Variants in LINC00632 observed in about 807,000 individuals in gnomAD.
LINC00632 encodes the protein long independently transcribed non-coding RNA 632, also known as ALDOA related specific transcript.
At chrX:140,738,805 G>T (rs925311674) in intron 3 of LINC00632, among the ~76,000 whole-genome samples, 5 of 111,943 alleles carry the variant, frequency 4.5e-5, no homozygotes, top group Non-Finnish European at 7.5e-5. Context: ...AAAAAATGTT[G>T]CAACAAGAAA....
At chrX:140,759,352 T>C (rs769628944) in intron 3 of LINC00632, among the ~76,000 whole-genome samples, 9 of 93,043 alleles carry the variant, frequency 9.7e-5, no homozygotes, top group African/African-American at 3.3e-4. Context: ...TTCCTTTCTT[T>C]CTTTCTTTCT....
chrX:140,785,746 T>A (rs772714696), exon 5 of LINC00632, among the ~76,000 whole-genome samples: 125 of 112,174 alleles, frequency 1.1e-3, no homozygotes, highest in African/African-American at 3.9e-3. Flanking sequence ...ACCCTTTGCT[T>A]CAGAATCATA....
chrX:140,769,671 C>T (rs892917285), intron 3 of LINC00632, among the ~76,000 whole-genome samples: 1 of 111,290 alleles, frequency 9.0e-6, no homozygotes, highest in Non-Finnish European at 1.9e-5. Flanking sequence ...TTATGATTTG[C>T]CTCAACAAAT....
intron 2 of LINC00632, among the ~76,000 whole-genome samples, chrX:140,722,811 A>G (rs1183489774): frequency 1.8e-5 from 2 of 111,702 alleles, no homozygotes; most frequent in Non-Finnish European, 3.8e-5. Flanking sequence ...TCACTTTGGG[A>G]GGCTGAGGCG....
chrX:140,762,209 A>AAGAGAGAGAGAGAGAGAG (rs35880613), intron 3 of LINC00632, among the ~76,000 whole-genome samples: 14 of 67,135 alleles, frequency 2.1e-4, no homozygotes, highest in African/African-American at 6.7e-4. Flanking sequence ...GTTTTTCGAA[A>AAGAGAGAGAGAGAGAGAG]AGAGAGAGAG....
exon 5 of LINC00632, chrX:140,783,642 T>G: frequency 8.3e-7 from 1 of 1,211,229 alleles, no homozygotes; most frequent in Non-Finnish European, 1.1e-6. Flanking sequence ...AATCAGTGTC[T>G]TCCAGAAAGA....
chrX:140,769,951 T>C (rs1931762230), intron 3 of LINC00632, among the ~76,000 whole-genome samples: 1 of 111,804 alleles, frequency 8.9e-6, no homozygotes, highest in African/African-American at 3.2e-5. Context: ...CCAGTTACCG[T>C]CAAGGCATTC....
At chrX:140,759,382 A>C (rs1602748844) in intron 3 of LINC00632, among the ~76,000 whole-genome samples, 1 of 84,055 alleles carries the variant, frequency 1.2e-5, no homozygotes, top group Non-Finnish European at 2.3e-5. Flanking sequence ...AAAGAGATGG[A>C]CTCTCACTCT....
At chrX:140,737,874 A>T (rs1479952706) in intron 3 of LINC00632, among the ~76,000 whole-genome samples, 2 of 112,042 alleles carry the variant, frequency 1.8e-5, no homozygotes, top group Admixed American at 9.6e-5. Flanking sequence ...TCATCTGTGG[A>T]TGGACACTTA....
intron 2 of LINC00632, among the ~76,000 whole-genome samples, chrX:140,728,972 G>A (rs992633269): frequency 1.8e-5 from 2 of 110,690 alleles, no homozygotes; most frequent in Middle Eastern, 4.8e-3. Context: ...CAGATTTGCC[G>A]CACAACACTG....
chrX:140,770,885 G>A (rs1353151789), intron 3 of LINC00632, among the ~76,000 whole-genome samples: 2 of 112,046 alleles, frequency 1.8e-5, no homozygotes, highest in East Asian at 5.6e-4. Context: ...CAACAAAATA[G>A]ATAGTAATTA....
chrX:140,746,239 T>A (rs1187644407), intron 3 of LINC00632, among the ~76,000 whole-genome samples: 1 of 112,015 alleles, frequency 8.9e-6, no homozygotes, highest in Non-Finnish European at 1.9e-5. Context: ...TTTAACTACT[T>A]AACTTTTTGT....
chrX:140,756,537 G>A (rs1011156916), intron 3 of LINC00632, among the ~76,000 whole-genome samples: 2 of 111,560 alleles, frequency 1.8e-5, no homozygotes, highest in Non-Finnish European at 1.9e-5. Context: ...GTATCGGGAC[G>A]GAGTGAGAAA....
chrX:140,737,647 G>T lies in LINC00632; in HGVS notation n.191+3683G>T, dbSNP rs1403210360. On this transcript the variant is annotated intron_variant and non_coding_transcript_variant, in intron 3 of 4. Transcript: ENST00000648200. ...GCCTATACAGCCTTCCCAGTCTCTG[G>T]TGTCTATTATTCTACTCTCTACCTC... 3.6e-5 allele frequency among the ~76,000 whole-genome samples: 4 copies of T among 111,378 alleles called. No individual in the cohort carries two copies. The East Asian group carries it at 1.1e-3, about 31-fold the overall frequency.
At chrX:140,757,759 G>T (rs1931519325) in intron 3 of LINC00632, among the ~76,000 whole-genome samples, 1 of 110,906 alleles carries the variant, frequency 9.0e-6, no homozygotes, top group East Asian at 2.8e-4. Context: ...TAGAGACAGG[G>T]TTTCACCATA....
chrX:140,765,810 G>C (rs1931680685), intron 3 of LINC00632, among the ~76,000 whole-genome samples: 1 of 111,816 alleles, frequency 8.9e-6, no homozygotes, highest in East Asian at 2.8e-4. Context: ...GGCGACAAGG[G>C]GGGCAAGTAG....
exon 5 of LINC00632, chrX:140,784,208 T>A: frequency 8.3e-7 from 1 of 1,212,073 alleles, no homozygotes; most frequent in East Asian, 3.0e-5. Flanking sequence ...AATCCACGTC[T>A]TCCAACAAAG....
chrX:140,735,555 GTATTTATT>G (rs574366226), intron 3 of LINC00632, among the ~76,000 whole-genome samples: 10 of 109,496 alleles, frequency 9.1e-5, no homozygotes, highest in East Asian at 2.8e-4. Context: ...TGATAAAATG[GTATTTATT>G]TATTTATTTA....
In LINC00632 at chrX:140,713,176, A is replaced by AT. The variant is rs11332099; in HGVS notation, n.104+1533dup. On this transcript the variant is annotated intron_variant and non_coding_transcript_variant, in intron 2 of 4. Transcript: ENST00000648200. Reference sequence around the variant, plus strand: ...CTGCCATCGTTACTGTATATGGAGCATTTTTTTTTTTTTAAATAAAGCTTG... The same window carrying AT: ...CTGCCATCGTTACTGTATATGGAGCATTTTTTTTTTTTTTAAATAAAGCTTG... 3.5e-3 allele frequency among the ~76,000 whole-genome samples: 356 copies of AT among 102,524 alleles called. 1 individual carries two copies. The highest frequency in any genetic ancestry group is 1.0e-2 in the Middle Eastern group (2 of 201). The allele number at this position is 102,524 out of a possible 115,157, so 89.0% of individuals were successfully genotyped here. A position where few individuals can be genotyped will look rare whatever the true frequency, so the allele number is the denominator to read the frequency against.
Sources: gnomAD v4.1 joint callset for allele counts (sites outside exome capture counted in the v4.1 genomes callset) on GRCh38, gnomAD v4.1.1 for gene constraint, MANE v1.5 for transcripts, NCBI Gene and HGNC (gene_info 2026-07-23, HGNC 2026-07-21) for gene names.